Variants in TGM7 observed in about 807,000 individuals in gnomAD.
TGM7 encodes protein-glutamine gamma-glutamyltransferase Z.
Under a neutral mutation model 79.5 loss-of-function variants are expected in TGM7, and 74 were observed. The ratio of observed to expected loss-of-function variants is 0.93; its 90% confidence interval spans 0.77 to 1.13. The LOEUF (loss-of-function observed/expected upper bound fraction) is 1.13. Ranked by LOEUF, TGM7 falls within the 50% of genes most tolerant of loss-of-function variation. The pLI, the probability that TGM7 is intolerant of heterozygous loss-of-function variation, is 0.00. For missense variants in TGM7, 912 were observed against 905.9 expected (o/e 1.01, Z -0.09); for synonymous variants, 354 against 362.5 (o/e 0.98, Z 0.27).
intron 11 of TGM7, 117 bp from the exon 12 acceptor site, chr15:43,277,112 T>C: frequency 7.5e-7 from 1 of 1,331,298 alleles, no homozygotes; most frequent in East Asian, 2.3e-5. Flanking sequence ...TTAGAGCTAA[T>C]GTGCCACAGT....
At chr15:43,294,501 G>A (rs759305668) in intron 1 of TGM7, among the ~76,000 whole-genome samples, 6 of 152,358 alleles carry the variant, frequency 3.9e-5, no homozygotes, top group African/African-American at 7.2e-5. Context: ...TCATGTGGGC[G>A]TTAAGTGAGG....
At chr15:43,291,226 G>C (rs2042962088) in intron 4 of TGM7, among the ~76,000 whole-genome samples, 1 of 152,214 alleles carries the variant, frequency 6.6e-6, no homozygotes, top group African/African-American at 2.4e-5. Context: ...TTATTATTTT[G>C]AGATATGTCC....
At chr15:43,287,025 C>T (rs17779494) in intron 6 of TGM7, among the ~76,000 whole-genome samples, 27,942 of 152,106 alleles carry the variant, frequency 0.18, 2,882 homozygotes, top group Middle Eastern at 0.29. Flanking sequence ...ACCACAAACT[C>T]CTCTATCCAG....
chr15:43,292,624 T>C (rs1289290629), intron 3 of TGM7, 85 bp downstream of exon 3: 1 of 1,547,482 alleles, frequency 6.5e-7, no homozygotes, highest in East Asian at 2.3e-5. Context: ...TATGTGGCGA[T>C]TTATTTTCTG....
Position 43,292,917 on chromosome 15 carries a change from T to A in TGM7, c.231A>T (p.Thr77=), listed in dbSNP as rs150973733. The A allele has an allele frequency of 9.3e-4, 1,495 of 1,613,664 alleles. 1 individual carries two copies. The highest frequency in any genetic ancestry group is 2.1e-3 in the Middle Eastern group (13 of 6,054). The change falls in exon 3 of 13, where the codon ACA becomes ACT. Residue 77 remains threonine, a synonymous_variant. Coordinates refer to ENST00000452443, the MANE Select transcript of TGM7 (RefSeq NM_052955.3). ...CGGGCTGGACCCGGGTGAGGAAGAA[T>A]GTGGCTCGGGTCCCCAGCAGCTCTG... ...KPSELLGTRA[T]FFLTRVQPGN... is the part of the protein sequence containing the mutation.
At chr15:43,301,694 C>T (rs983541745) in intron 1 of TGM7, among the ~76,000 whole-genome samples, 5 of 151,982 alleles carry the variant, frequency 3.3e-5, no homozygotes, top group South Asian at 2.1e-4. Context: ...CCTGGCAGGC[C>T]GCATGTGTTG....
intron 1 of TGM7, among the ~76,000 whole-genome samples, chr15:43,297,479 G>T (rs527449450): frequency 2.1e-5 from 3 of 146,114 alleles, no homozygotes; most frequent in East Asian, 4.0e-4. Context: ...GAGACAGAAA[G>T]AGAGAAAGAG....
At chr15:43,290,078 A>G (rs2042956264) in intron 4 of TGM7, among the ~76,000 whole-genome samples, 1 of 151,900 alleles carries the variant, frequency 6.6e-6, no homozygotes, top group Admixed American at 6.6e-5. Context: ...ATTAGATCCC[A>G]TTTGTCGATT....
At position 43,279,674 on chromosome 15, in the gene TGM7, C is replaced by T. The variant is rs1475890892; in HGVS notation, c.1629G>A (p.Gln543=). The part of the protein sequence containing the change: ...AQALLHGGGT[Q]KPFWRHTVRM... ...GCACTGTGTGCCTCCAGAAGGGCTT[C>T]TGGGTACCACCCCCATGCAGCAGGG... is the stretch of plus-strand genomic sequence containing the variant. The change falls in exon 10 of 13, where the codon CAG becomes CAA. Residue 543 remains glutamine (Q), a synonymous_variant. Coordinates refer to ENST00000452443, the MANE Select transcript of TGM7 (RefSeq NM_052955.3). 2.5e-6 allele frequency: 4 copies of T among 1,612,406 alleles called. No homozygotes were observed. Among genetic ancestry groups the T allele is most frequent in the African/African-American group, 1.3e-5 (1 of 75,030 alleles).
At chr15:43,293,305 G>A in intron 2 of TGM7, 144 bp downstream of exon 2, 1 of 1,108,256 alleles carries the variant, frequency 9.0e-7, no homozygotes, top group Admixed American at 2.3e-5. Context: ...CACTAACAGG[G>A]TCCTGAGCAT....
intron 4 of TGM7, among the ~76,000 whole-genome samples, chr15:43,291,446 A>C (rs2042963079): frequency 1.3e-5 from 2 of 152,278 alleles, no homozygotes; most frequent in African/African-American, 4.8e-5. Context: ...GCCACAGACT[A>C]CATCTAAATG....
At chr15:43,298,532 G>A (rs1456622026) in intron 1 of TGM7, among the ~76,000 whole-genome samples, 2 of 152,156 alleles carry the variant, frequency 1.3e-5, no homozygotes, top group Non-Finnish European at 2.9e-5. Flanking sequence ...CGAGGCGGGC[G>A]GATCACAAGG....
At chr15:43,277,885 G>A (rs925374421) in intron 11 of TGM7, among the ~76,000 whole-genome samples, 1 of 152,252 alleles carries the variant, frequency 6.6e-6, no homozygotes, top group Admixed American at 6.5e-5. Context: ...GGGTGTCAAA[G>A]TAGAACAGGT....
At chr15:43,297,639 G>GAAAGAAAGAAAGAA (rs2043006062) in intron 1 of TGM7, among the ~76,000 whole-genome samples, 2 of 138,782 alleles carry the variant, frequency 1.4e-5, no homozygotes, top group African/African-American at 2.7e-5. Context: ...GAAAGAAAAA[G>GAAAGAAAGAAAGAA]AAAGAAAGAA....
chr15:43,287,890 A>G (rs1390694867), intron 4 of TGM7, among the ~76,000 whole-genome samples: 5 of 152,166 alleles, frequency 3.3e-5, no homozygotes, highest in African/African-American at 1.2e-4. Flanking sequence ...CGTGGTTCTG[A>G]TGAAAAATGG....
At position 43,284,864 on chromosome 15, in the gene TGM7, G is replaced by A; in HGVS notation, c.954C>T (p.Tyr318=). 2.5e-6 allele frequency: 4 copies of A among 1,614,176 alleles called. No individual in the cohort carries two copies. The highest frequency in any genetic ancestry group is 1.7e-6 in the Non-Finnish European group (2 of 1,180,022). Reference sequence around the variant, plus strand: ...ACAGCATCTCGGCATTTCGGTCATAGTACGTATCGATGGTCAAGTTCCTAT... The same window carrying A: ...ACAGCATCTCGGCATTTCGGTCATAATACGTATCGATGGTCAAGTTCCTAT... ...NVDRNLTIDT[Y]YDRNAEMLST... is the part of the protein sequence containing the mutation. The change falls in exon 7 of 13, where the codon TAC becomes TAT. Residue 318 remains tyrosine (Y), a synonymous_variant. Transcript: ENST00000452443.
Position 43,279,648 on chromosome 15 carries a change from C to T in TGM7, c.1655G>A (p.Arg552Gln), listed in dbSNP as rs376459791. ...TQKPFWRHTVRMNLDFGKETQ... is the reference protein window; with the variant it reads ...TQKPFWRHTVQMNLDFGKETQ... ...ACCCTTCCCAAAGTCCAGGTTCATC[C>T]GCACTGTGTGCCTCCAGAAGGGCTT... The change falls in exon 10 of 13, where the codon CGG (arginine) becomes CAG (glutamine). Residue 552 changes from arginine (R) to glutamine (Q), a missense_variant. Arg to Gln is a conservative substitution (Grantham distance 43). Transcript: ENST00000452443. The T allele has an allele frequency of 1.7e-5, 27 of 1,604,188 alleles. No individual in the cohort carries two copies. The East Asian group carries it at 2.5e-4, about 15-fold the overall frequency.
chr15:43,289,114 A>G (rs907077035), intron 4 of TGM7, among the ~76,000 whole-genome samples: 1 of 151,682 alleles, frequency 6.6e-6, no homozygotes, highest in African/African-American at 2.4e-5. Context: ...CACAACGTGC[A>G]GGTTAGTTAC....
chr15:43,283,465 G>T (rs1045360438), intron 7 of TGM7, among the ~76,000 whole-genome samples: 1 of 139,580 alleles, frequency 7.2e-6, no homozygotes, highest in Non-Finnish European at 1.5e-5. Context: ...ACAATCTCTC[G>T]CTCTCTCTCT....
Sources: allele counts gnomAD v4.1 joint callset (sites outside exome capture counted in the v4.1 genomes callset), GRCh38; gene constraint gnomAD v4.1.1; transcripts MANE v1.5; gene names NCBI Gene and HGNC (gene_info 2026-07-23, HGNC 2026-07-21).